The following GLIS1 variants were observed in gnomAD, a reference collection of about 807,000 sequenced individuals.
The protein encoded by GLIS1 is GLIS family zinc finger 1.
GLIS1 carries 24 observed loss-of-function variants against 63.8 expected under a neutral mutation model. The observed-to-expected ratio is 0.38, with a 90% CI of 0.27 to 0.53. GLIS1 has a LOEUF of 0.53. Ranked by LOEUF, GLIS1 falls within the 20% of genes least tolerant of loss-of-function variation. The pLI, the probability that GLIS1 is intolerant of heterozygous loss-of-function variation, is 0.85. For synonymous variants in GLIS1, 450 were observed against 482.5 expected (o/e 0.93, Z 0.88); for missense variants, 1,036 against 1,074.1 (o/e 0.96, Z 0.50).
At chr1:53,547,687 T>C (rs955854051) in intron 4 of GLIS1, among the ~76,000 whole-genome samples, 7 of 152,238 alleles carry the variant, frequency 4.6e-5, no homozygotes, top group African/African-American at 1.7e-4. Flanking sequence ...ATTTTTGGTA[T>C]GGCCGTACAT....
At chr1:53,583,987 T>G (rs1412843875) in intron 4 of GLIS1, among the ~76,000 whole-genome samples, 1 of 152,158 alleles carries the variant, frequency 6.6e-6, no homozygotes, top group African/African-American at 2.4e-5. Flanking sequence ...CACGACACAC[T>G]AGGCTGACCT....
intron 6 of GLIS1, 38 bp downstream of exon 6, chr1:53,524,739 C>A (rs374180731): frequency 6.7e-7 from 1 of 1,486,758 alleles, no homozygotes. Flanking sequence ...CAGGCGGCTG[C>A]GAGGTGGGAG....
At chr1:53,734,550 G>A (rs1646894769) in intron 2 of GLIS1, among the ~76,000 whole-genome samples, 1 of 152,156 alleles carries the variant, frequency 6.6e-6, no homozygotes, top group African/African-American at 2.4e-5. Context: ...GCAAATCCCT[G>A]AACCTTAATG....
chr1:53,702,915 G>A (rs942815579), intron 2 of GLIS1, among the ~76,000 whole-genome samples: 1 of 152,190 alleles, frequency 6.6e-6, no homozygotes, highest in African/African-American at 2.4e-5. Context: ...TCCTCATGAG[G>A]GGGTTCTCCT....
intron 2 of GLIS1, among the ~76,000 whole-genome samples, chr1:53,611,298 C>T (rs1288702642): frequency 6.6e-6 from 1 of 152,158 alleles, no homozygotes; most frequent in Non-Finnish European, 1.5e-5. Context: ...ACAGTTTGCC[C>T]AGACTAGTCT....
At chr1:53,727,552 G>A (rs1324914916) in intron 2 of GLIS1, among the ~76,000 whole-genome samples, 1 of 152,234 alleles carries the variant, frequency 6.6e-6, no homozygotes, top group African/African-American at 2.4e-5. Flanking sequence ...TGTCTTAAAG[G>A]GAGGATAAAC....
chr1:53,559,368 C>G (rs1045193326), intron 4 of GLIS1, among the ~76,000 whole-genome samples: 1 of 152,122 alleles, frequency 6.6e-6, no homozygotes. Flanking sequence ...CCAGCACTGT[C>G]CCGGGGTTTT....
At chr1:53,684,642 C>T (rs1646311092) in intron 2 of GLIS1, among the ~76,000 whole-genome samples, 2 of 152,196 alleles carry the variant, frequency 1.3e-5, no homozygotes, top group Admixed American at 1.3e-4. Flanking sequence ...CTCACTAGTG[C>T]CCACAGGGTC....
At chr1:53,677,756 C>G (rs1189256505) in intron 2 of GLIS1, among the ~76,000 whole-genome samples, 1 of 152,162 alleles carries the variant, frequency 6.6e-6, no homozygotes, top group Non-Finnish European at 1.5e-5. Flanking sequence ...GCCGTGCCTC[C>G]TCACCTCTCC....
chr1:53,523,755 C>T (rs748603681), intron 6 of GLIS1, among the ~76,000 whole-genome samples: 2 of 152,154 alleles, frequency 1.3e-5, no homozygotes, highest in Admixed American at 6.5e-5. Flanking sequence ...ACACACGGCT[C>T]GTCCAAAACA....
At chr1:53,650,167 T>TG (rs1473954569) in intron 2 of GLIS1, among the ~76,000 whole-genome samples, 2 of 151,872 alleles carry the variant, frequency 1.3e-5, no homozygotes, top group Non-Finnish European at 2.9e-5. Context: ...GAAACAGGGG[T>TG]GGGGGTGATA....
At chr1:53,672,343 G>A (rs1377328435) in intron 2 of GLIS1, among the ~76,000 whole-genome samples, 1 of 152,144 alleles carries the variant, frequency 6.6e-6, no homozygotes, top group East Asian at 1.9e-4. Flanking sequence ...TGTACGAAAT[G>A]GAACCATTCT....
intron 2 of GLIS1, among the ~76,000 whole-genome samples, chr1:53,606,836 G>A (rs941946495): frequency 6.6e-6 from 1 of 152,236 alleles, no homozygotes; most frequent in African/African-American, 2.4e-5. Context: ...ATCCCAGACT[G>A]CAAGAATCCC....
intron 2 of GLIS1, among the ~76,000 whole-genome samples, chr1:53,636,383 T>TA (rs1645721789): frequency 6.6e-6 from 1 of 151,210 alleles, no homozygotes; most frequent in Admixed American, 6.6e-5. Context: ...AAGCATTTGA[T>TA]AAAAATTCGA....
intron 2 of GLIS1, among the ~76,000 whole-genome samples, chr1:53,620,032 A>G (rs893809305): frequency 6.6e-6 from 1 of 152,206 alleles, no homozygotes; most frequent in Non-Finnish European, 1.5e-5. Context: ...TACAGGAACA[A>G]CTTGGTTTAT....
chr1:53,627,749 T>C (rs1645610978), intron 2 of GLIS1, among the ~76,000 whole-genome samples: 2 of 152,136 alleles, frequency 1.3e-5, no homozygotes, highest in Admixed American at 6.5e-5. Context: ...AAGCTGAGTA[T>C]CAACCAGAGA....
At chr1:53,692,785 C>T (rs1284812656) in intron 2 of GLIS1, among the ~76,000 whole-genome samples, 1 of 152,206 alleles carries the variant, frequency 6.6e-6, no homozygotes, top group African/African-American at 2.4e-5. Flanking sequence ...CCTGCTTTCT[C>T]CCCACTGGGC....
chr1:53,531,410 C>G (rs890180469), intron 4 of GLIS1, among the ~76,000 whole-genome samples: 2 of 152,208 alleles, frequency 1.3e-5, no homozygotes, highest in Non-Finnish European at 2.9e-5. Flanking sequence ...TGGGGCTCAC[C>G]TGCGGGGAGT....
At chr1:53,618,418 C>A (rs12140002) in intron 2 of GLIS1, among the ~76,000 whole-genome samples, 78,283 of 152,170 alleles carry the variant, frequency 0.51, 22,808 homozygotes, top group Admixed American at 0.64. Flanking sequence ...ACAGTCCCAG[C>A]TCTGGCCTTT....
Sources: gnomAD v4.1 joint callset for allele counts (sites outside exome capture counted in the v4.1 genomes callset) on GRCh38, gnomAD v4.1.1 for gene constraint, MANE v1.5 for transcripts, NCBI Gene and HGNC (gene_info 2026-07-23, HGNC 2026-07-21) for gene names.